CCNY: variants seen among roughly 807,000 people sequenced by gnomAD.
CCNY encodes cyclin Y.
In CCNY, 19 loss-of-function variants were observed where a neutral mutation model predicts 42.8. The observed-to-expected ratio is 0.44, with a 90% confidence interval of 0.31 to 0.65. The LOEUF is 0.65. Among genes scored for constraint, CCNY ranks in the 30% least tolerant of loss-of-function variants. The probability of loss-of-function intolerance (pLI) is 0.07; values close to 1 mark genes in which losing one functional copy is unlikely to be tolerated. For missense variants in CCNY, 370 were observed against 437.3 expected (o/e 0.85, Z 1.37); for synonymous variants, 165 against 162.7 (o/e 1.01, Z -0.11).
At chr10:35,371,526 A>T (rs1010200517) in intron 1 of CCNY, among the ~76,000 whole-genome samples, 1 of 151,600 alleles carries the variant, frequency 6.6e-6, no homozygotes, top group African/African-American at 2.4e-5. Flanking sequence ...CCATGATCTC[A>T]CCTCCACCTG....
intron 3 of CCNY, among the ~76,000 whole-genome samples, chr10:35,278,108 C>A (rs970287972): frequency 6.6e-6 from 1 of 152,038 alleles, no homozygotes; most frequent in Non-Finnish European, 1.5e-5. Flanking sequence ...AGATGGATGA[C>A]GTCGGGAGAA....
intron 1 of CCNY, among the ~76,000 whole-genome samples, chr10:35,446,145 G>A (rs1021899462): frequency 2.4e-4 from 37 of 152,242 alleles, no homozygotes; most frequent in African/African-American, 8.2e-4. Context: ...AAATATAATT[G>A]TTCTTTCAGA....
chr10:35,550,653 T>G (rs1205572426), intron 7 of CCNY, among the ~76,000 whole-genome samples: 1 of 152,138 alleles, frequency 6.6e-6, no homozygotes, highest in Admixed American at 6.5e-5. Flanking sequence ...TCAGTTTCCT[T>G]CTCAAATGCC....
rs1564442516 is a variant in CCNY at position 35,516,630 on chromosome 10, A to G, written c.365+7A>G. On this transcript the variant is annotated splice_region_variant and intron_variant, in intron 4 of 9. Coordinates refer to ENST00000374704, the MANE Select transcript of CCNY (RefSeq NM_145012.6). ...TCAAGTATACAATTAAATGGTGGGT[A>G]TATGGATTTATTTCCTTCCTTCCTT... is the stretch of plus-strand genomic sequence containing the variant. The G allele has an allele frequency of 1.3e-6, 1 of 758,374 alleles. No homozygotes were observed. The highest frequency in any genetic ancestry group is 1.5e-5 in the South Asian group (1 of 68,092). The allele number at this position is 758,374 out of a possible 1,614,324, so 47.0% of individuals were successfully genotyped here. A position where few individuals can be genotyped will look rare whatever the true frequency, so the allele number is the denominator to read the frequency against.
intron 3 of CCNY, among the ~76,000 whole-genome samples, chr10:35,313,977 G>GAAAAAAAAAA (rs71523375): frequency 5.0e-5 from 4 of 79,770 alleles, no homozygotes; most frequent in Middle Eastern, 9.3e-3. Flanking sequence ...GTTCATCTCG[G>GAAAAAAAAAA]AAAAAAAAAA....
intron 1 of CCNY, 44 bp downstream of exon 1, chr10:35,337,251 A>G: frequency 6.9e-7 from 1 of 1,448,262 alleles, no homozygotes; most frequent in Non-Finnish European, 9.2e-7. Context: ...CCGCGGCAAC[A>G]GTCGCACAGC....
chr10:35,422,103 T>G (rs1157681987), intron 1 of CCNY, among the ~76,000 whole-genome samples: 1 of 152,236 alleles, frequency 6.6e-6, no homozygotes, highest in South Asian at 2.1e-4. Context: ...TTTTGACTTA[T>G]TTTGTATTCT....
chr10:35,394,514 T>G (rs1285132129), intron 1 of CCNY, among the ~76,000 whole-genome samples: 2 of 152,190 alleles, frequency 1.3e-5, no homozygotes, highest in Admixed American at 1.3e-4. Flanking sequence ...TTAGGTTGAT[T>G]GGCTTAAGAT....
At chr10:35,268,492 T>C (rs1205694657) in intron 3 of CCNY, among the ~76,000 whole-genome samples, 1 of 152,166 alleles carries the variant, frequency 6.6e-6, no homozygotes. Flanking sequence ...CTTACAGGTT[T>C]GTGTTGTGTT....
At chr10:35,359,704 C>T (rs1474382700) in intron 1 of CCNY, among the ~76,000 whole-genome samples, 1 of 152,128 alleles carries the variant, frequency 6.6e-6, no homozygotes, top group African/African-American at 2.4e-5. Flanking sequence ...GCAACCATTA[C>T]CACCATCCAT....
At chr10:35,442,534 G>GT (rs1228917120) in intron 1 of CCNY, among the ~76,000 whole-genome samples, 2 of 152,158 alleles carry the variant, frequency 1.3e-5, no homozygotes, top group African/African-American at 4.8e-5. Flanking sequence ...TTTGAAAATA[G>GT]TTTTTAAAAA....
At chr10:35,440,631 C>T (rs758826667) in intron 1 of CCNY, among the ~76,000 whole-genome samples, 4 of 152,120 alleles carry the variant, frequency 2.6e-5, no homozygotes, top group Admixed American at 6.6e-5. Flanking sequence ...GACCCCTGTC[C>T]GGGGCACAGC....
At chr10:35,484,803 T>A (rs760232503) in intron 2 of CCNY, among the ~76,000 whole-genome samples, 2 of 152,206 alleles carry the variant, frequency 1.3e-5, no homozygotes, top group African/African-American at 2.4e-5. Context: ...TTCTTGCTTC[T>A]TGTGAACTCA....
intron 1 of CCNY, among the ~76,000 whole-genome samples, chr10:35,381,587 T>TA (rs1024252749): frequency 1.4e-5 from 2 of 147,844 alleles, no homozygotes; most frequent in Non-Finnish European, 3.0e-5. Flanking sequence ...AAAAAAGAAA[T>TA]ACTGTATGCA....
At chr10:35,543,850 A>T (rs1841056112) in intron 7 of CCNY, among the ~76,000 whole-genome samples, 1 of 152,186 alleles carries the variant, frequency 6.6e-6, no homozygotes, top group Middle Eastern at 3.2e-3. Context: ...GAAAACAGCG[A>T]TATTGATCAT....
At chr10:35,264,834 C>T (rs765381244) in intron 3 of CCNY, among the ~76,000 whole-genome samples, 1 of 151,852 alleles carries the variant, frequency 6.6e-6, no homozygotes, top group Admixed American at 6.6e-5. Context: ...TCGCCAAGTT[C>T]GCCAGGCTGG....
Position 35,570,640 on chromosome 10 carries a change from G to A in CCNY, c.*1470G>A, listed in dbSNP as rs1389502934. 4 of 152,326 alleles carry A rather than the reference G, an allele frequency of 2.6e-5. No homozygotes were observed. The highest frequency in any genetic ancestry group is 9.7e-5 in the African/African-American group (4 of 41,434). 9.4% of individuals were successfully genotyped at this position (152,326 alleles called of 1,614,324 possible). ...GTTGTTTCCCTTTTCAAGTCTCTGGGAGGCCAGTGGCAGCAGCAGGTCTGT... is the reference window on the plus strand; with the variant it reads ...GTTGTTTCCCTTTTCAAGTCTCTGGAAGGCCAGTGGCAGCAGCAGGTCTGT... On this transcript the variant is annotated 3_prime_UTR_variant, in exon 10 of 10. Coordinates refer to ENST00000374704, the MANE Select transcript of CCNY (RefSeq NM_145012.6).
chr10:35,380,816 A>G (rs1837166850), intron 1 of CCNY, among the ~76,000 whole-genome samples: 1 of 152,196 alleles, frequency 6.6e-6, no homozygotes, highest in Admixed American at 6.5e-5. Flanking sequence ...TTTGCCTGAC[A>G]TACACGGTCA....
chr10:35,547,595 T>C (rs1410660599), intron 7 of CCNY, among the ~76,000 whole-genome samples: 2 of 152,130 alleles, frequency 1.3e-5, no homozygotes, highest in African/African-American at 2.4e-5. Context: ...CTGAATGCCA[T>C]TATTTGTGGT....
Sources: allele counts gnomAD v4.1 joint callset (sites outside exome capture counted in the v4.1 genomes callset), GRCh38; gene constraint gnomAD v4.1.1; transcripts MANE v1.5; gene names NCBI Gene and HGNC (gene_info 2026-07-23, HGNC 2026-07-21).